The following MAF variants were observed in gnomAD, a reference collection of about 807,000 sequenced individuals.
MAF encodes MAF bZIP transcription factor.
MAF carries 10 observed loss-of-function variants against 22.0 expected under a neutral mutation model. The ratio of observed to expected loss-of-function variants is 0.45; its 90% CI spans 0.28 to 0.77. The LOEUF (loss-of-function observed/expected upper bound fraction) is 0.77. MAF is among the 30% of genes least tolerant of loss of function. The pLI, the probability that MAF is intolerant of heterozygous loss-of-function variation, is 0.12. For missense variants in MAF, 544 were observed against 548.4 expected (o/e 0.99, Z 0.08); for synonymous variants, 337 against 255.8 (o/e 1.32, Z -3.03).
rs141946872 is a variant in MAF at position 79,599,780 on chromosome 16, G to C, written c.123C>G (p.Arg41=). The part of the protein sequence containing the change: ...EVKKEPVETD[R]IISQCGRLIA... Reference sequence around the variant, plus strand: ...TGAGACGGCCGCACTGGCTGATGATGCGGTCGGTCTCCACCGGTTCCTTTT... The same window carrying C: ...TGAGACGGCCGCACTGGCTGATGATCCGGTCGGTCTCCACCGGTTCCTTTT... Residue 41 remains arginine, a synonymous_variant, in exon 1 of 2, where the codon CGC becomes CGG. Transcript: ENST00000326043. The C allele has an allele frequency of 1.1e-5, 17 of 1,613,096 alleles. No individual in the cohort carries two copies. The highest frequency in any genetic ancestry group is 1.4e-5 in the Non-Finnish European group (16 of 1,179,946).
chr16:79,598,826 G>A lies in MAF; in HGVS notation c.1077C>T (p.Asn359=), dbSNP rs975551700. Residue 359 remains asparagine, a synonymous_variant, in exon 1 of 2, where the codon AAC becomes AAT. Coordinates refer to ENST00000326043, the MANE Select transcript of MAF (RefSeq NM_005360.5). Reference sequence around the variant, plus strand: ...AGGACGGGTTGTCGCTGCTCGAGCCGTTTTCTCGGAAGCCGCTGCTCACCA... The same window carrying A: ...AGGACGGGTTGTCGCTGCTCGAGCCATTTTCTCGGAAGCCGCTGCTCACCA... ...EKLVSSGFRE[N]GSSSDNPSSP... 1.2e-6 allele frequency: 2 copies of A among 1,613,844 alleles called. No homozygotes were observed. Among genetic ancestry groups the A allele is most frequent in the Non-Finnish European group, 1.7e-6 (2 of 1,179,988 alleles).
the MAF span, among the ~76,000 whole-genome samples, chr16:79,308,863 C>T: frequency 2.6e-4 from 39 of 152,284 alleles, no homozygotes; most frequent in Middle Eastern, 3.4e-3. Context: ...CCTTTCCTAA[C>T]GCCCAGAAAT....
At chr16:79,427,717 C>T in the MAF span, among the ~76,000 whole-genome samples, 1 of 152,200 alleles carries the variant, frequency 6.6e-6, no homozygotes, top group African/African-American at 2.4e-5. Context: ...TAGCCCTGTA[C>T]TGGCCCAGTA....
At chr16:79,350,321 G>A in the MAF span, among the ~76,000 whole-genome samples, 1 of 152,122 alleles carries the variant, frequency 6.6e-6, no homozygotes, top group East Asian at 1.9e-4. Context: ...GACTCATATA[G>A]AACAATCCTT....
chr16:79,227,723 A>T, the MAF span, among the ~76,000 whole-genome samples: 1 of 152,012 alleles, frequency 6.6e-6, no homozygotes, highest in African/African-American at 2.4e-5. Flanking sequence ...CTGCTACTAT[A>T]AAGTTTTTAA....
At chr16:79,437,699 C>A in the MAF span, among the ~76,000 whole-genome samples, 1 of 152,166 alleles carries the variant, frequency 6.6e-6, no homozygotes, top group Admixed American at 6.5e-5. Context: ...GCATTACTCT[C>A]TGCTAGCTTC....
At chr16:79,560,432 A>G in the MAF span, among the ~76,000 whole-genome samples, 1 of 150,944 alleles carries the variant, frequency 6.6e-6, no homozygotes, top group African/African-American at 2.4e-5. Flanking sequence ...AAAAAAAAAA[A>G]ACCTGAACTA....
the MAF span, among the ~76,000 whole-genome samples, chr16:79,436,329 C>T: frequency 3.3e-5 from 5 of 152,282 alleles, no homozygotes; most frequent in East Asian, 3.9e-4. Context: ...GTGATCTGCC[C>T]GCTTCAGCCT....
the MAF span, among the ~76,000 whole-genome samples, chr16:79,392,852 C>T: frequency 3.3e-5 from 5 of 152,178 alleles, no homozygotes; most frequent in South Asian, 1.0e-3. Flanking sequence ...TCAAGAGATG[C>T]CTGTGGGAAT....
At chr16:79,559,790 G>A in the MAF span, among the ~76,000 whole-genome samples, 1 of 152,098 alleles carries the variant, frequency 6.6e-6, no homozygotes, top group South Asian at 2.1e-4. Context: ...TCAATTTATT[G>A]TTTAGCTATC....
the MAF span, among the ~76,000 whole-genome samples, chr16:79,319,427 T>C: frequency 6.6e-6 from 1 of 152,184 alleles, no homozygotes; most frequent in East Asian, 1.9e-4. Flanking sequence ...AAGCAGAAGG[T>C]TGATAAACCG....
At chr16:79,217,484 A>G in the MAF span, among the ~76,000 whole-genome samples, 2 of 152,364 alleles carry the variant, frequency 1.3e-5, no homozygotes, top group Middle Eastern at 3.4e-3. Context: ...ATTTTTGTAC[A>G]TGCCATTTAT....
the MAF span, among the ~76,000 whole-genome samples, chr16:79,438,044 T>C: frequency 1.3e-5 from 2 of 152,100 alleles, no homozygotes; most frequent in Non-Finnish European, 2.9e-5. Flanking sequence ...ATGCCATCCC[T>C]TGGAGAGCCT....
In MAF at chr16:79,599,036, C is replaced by T. The variant is rs1379449680; in HGVS notation, c.867G>A (p.Leu289=). Residue 289 remains leucine (L), a synonymous_variant, in exon 1 of 2, where the codon CTG becomes CTA. Coordinates refer to ENST00000326043, the MANE Select transcript of MAF (RefSeq NM_005360.5). ...RGVSKEEVIR[L]KQKRRTLKNR... ...TTTTCAGGGTCCGCCTCTTCTGCTT[C>T]AGCCGGATCACCTCCTCCTTGCTGA... The T allele has an allele frequency of 4.3e-6, 7 of 1,613,346 alleles. No individual in the cohort carries two copies. The highest frequency in any genetic ancestry group is 5.9e-6 in the Non-Finnish European group (7 of 1,179,948).
At chr16:79,586,849 G>T (rs1912873839) in intron 1 of MAF, among the ~76,000 whole-genome samples, 1 of 152,140 alleles carries the variant, frequency 6.6e-6, no homozygotes, top group South Asian at 2.1e-4. Context: ...ATTCAACATG[G>T]TCACAGAAAA....
the MAF span, among the ~76,000 whole-genome samples, chr16:79,512,094 C>T: frequency 6.6e-6 from 1 of 152,152 alleles, no homozygotes; most frequent in East Asian, 1.9e-4. Context: ...GAACTCACTA[C>T]CTGTAGAGAC....
chr16:79,464,137 T>C, the MAF span, among the ~76,000 whole-genome samples: 3 of 152,098 alleles, frequency 2.0e-5, no homozygotes, highest in African/African-American at 7.3e-5. Context: ...AGGAACAAGG[T>C]CTTAAGGCTG....
At chr16:79,318,366 G>A in the MAF span, among the ~76,000 whole-genome samples, 2 of 152,188 alleles carry the variant, frequency 1.3e-5, no homozygotes, top group Non-Finnish European at 1.5e-5. Context: ...TCCTGGAGGA[G>A]GAGATACATC....
At chr16:79,465,987 A>C in the MAF span, among the ~76,000 whole-genome samples, 1 of 152,324 alleles carries the variant, frequency 6.6e-6, no homozygotes, top group Non-Finnish European at 1.5e-5. Context: ...ATTCATCTGT[A>C]ATTCCTTCAT....
Sources: allele counts gnomAD v4.1 joint callset (sites outside exome capture counted in the v4.1 genomes callset), GRCh38; gene constraint gnomAD v4.1.1; transcripts MANE v1.5; gene names NCBI Gene and HGNC (gene_info 2026-07-23, HGNC 2026-07-21).